The following ANK3 variants were observed in gnomAD, a reference collection of about 807,000 sequenced individuals.
ANK3 encodes the protein ankyrin 3, also known as ankyrin-3.
ANK3 carries 57 observed loss-of-function variants against 370.9 expected under a neutral mutation model. The observed-to-expected ratio is 0.15, with a 90% CI of 0.12 to 0.19. The LOEUF (loss-of-function observed/expected upper bound fraction) is 0.19, where lower values mean the gene tolerates loss of function less well. Ranked by LOEUF, ANK3 falls within the 10% of genes least tolerant of loss-of-function variation. The probability of loss-of-function intolerance (pLI) is 1.00; values close to 1 mark genes in which losing one functional copy is unlikely to be tolerated. For missense variants in ANK3, 4,439 were observed against 5,302.1 expected (o/e 0.84, Z 5.06); for synonymous variants, 1,929 against 1,946.3 (o/e 0.99, Z 0.23).
At chr10:60,114,474 A>C (rs2132113659) in intron 25 of ANK3, 143 bp from the exon 26 acceptor site, 1 of 429,328 alleles carries the variant, frequency 2.3e-6, no homozygotes, top group East Asian at 3.7e-5. Flanking sequence ...TCCTCTATAG[A>C]AATACATTGA....
At chr10:60,223,699 T>G (rs2097097135) in intron 8 of ANK3, among the ~76,000 whole-genome samples, 1 of 152,218 alleles carries the variant, frequency 6.6e-6, no homozygotes, top group African/African-American at 2.4e-5. Flanking sequence ...TCTACTTCAG[T>G]AGCACTATTA....
At position 60,253,123 on chromosome 10, in the gene ANK3, G is replaced by A. The variant is rs149014881; in HGVS notation, c.798+8736C>T. Reference sequence around the variant, plus strand: ...TGGGACTCCAGCATTCTGACAGTGCGGTTTACTTTGCCACTGTCCCATATG... The same window carrying A: ...TGGGACTCCAGCATTCTGACAGTGCAGTTTACTTTGCCACTGTCCCATATG... On this transcript the variant is annotated intron_variant, in intron 7 of 43. Transcript: ENST00000280772. Among the ~76,000 whole-genome samples, 353 of 152,300 alleles carry A rather than the reference G, an allele frequency of 2.3e-3. 4 individuals are homozygous for A. The highest frequency in any genetic ancestry group is 0.017 in the East Asian group (87 of 5,180).
At chr10:60,574,662 A>T (rs754822345) in intron 2 of ANK3, among the ~76,000 whole-genome samples, 6 of 152,204 alleles carry the variant, frequency 3.9e-5, no homozygotes, top group Non-Finnish European at 5.9e-5. Context: ...TCTACCGCTC[A>T]TTGACTTCAA....
At chr10:60,351,280 C>T (rs1013191410) in intron 1 of ANK3, among the ~76,000 whole-genome samples, 4 of 152,096 alleles carry the variant, frequency 2.6e-5, no homozygotes, top group African/African-American at 9.7e-5. Context: ...TCTTTGGGGG[C>T]AATCACTCAG....
At chr10:60,600,760 T>C (rs1338519311) in intron 2 of ANK3, among the ~76,000 whole-genome samples, 1 of 152,180 alleles carries the variant, frequency 6.6e-6, no homozygotes, top group Admixed American at 6.6e-5. Context: ...AGATATTAGA[T>C]ATTAATGATT....
intron 2 of ANK3, among the ~76,000 whole-genome samples, chr10:60,478,085 A>T (rs1471555161): frequency 2.0e-5 from 3 of 152,084 alleles, no homozygotes; most frequent in African/African-American, 7.2e-5. Context: ...AACGGGGAGA[A>T]TGAATTCATC....
intron 10 of ANK3, among the ~76,000 whole-genome samples, chr10:60,206,098 G>A (rs2096757974): frequency 6.6e-6 from 1 of 152,132 alleles, no homozygotes; most frequent in Non-Finnish European, 1.5e-5. Flanking sequence ...AACAGGAAGT[G>A]AATTTTTATT....
In ANK3 at chr10:60,494,395, A is replaced by C. The variant is rs1595142738; in HGVS notation, c.96+120791T>G. On this transcript the variant is annotated intron_variant, in intron 2 of 43. Transcript: ENST00000373827. ...ACCTATGAAGGCACTGCATGTGTGT[A>C]TGTGTGCTTATATAAAAACATTATT... is the stretch of plus-strand genomic sequence containing the variant. 2.0e-5 allele frequency among the ~76,000 whole-genome samples: 3 copies of C among 152,308 alleles called. No individual in the cohort carries two copies. The East Asian group carries it at 5.8e-4, about 29-fold the overall frequency.
chr10:60,436,164 A>C (rs2064153804), intron 2 of ANK3, among the ~76,000 whole-genome samples: 1 of 152,240 alleles, frequency 6.6e-6, no homozygotes, highest in African/African-American at 2.4e-5. Context: ...AGTCCTTTTA[A>C]CAGCTGAATA....
intron 1 of ANK3, among the ~76,000 whole-genome samples, chr10:60,345,934 C>CA (rs536713515): frequency 3.3e-5 from 5 of 151,750 alleles, no homozygotes; most frequent in Non-Finnish European, 7.4e-5. Flanking sequence ...AAAACTAGTT[C>CA]AAAAATAATT....
intron 5 of ANK3, among the ~76,000 whole-genome samples, chr10:60,268,129 T>C (rs985262795): frequency 5.3e-5 from 8 of 152,320 alleles, no homozygotes; most frequent in African/African-American, 1.7e-4. Context: ...TGTCTCTACC[T>C]CCTGAGGGGC....
chr10:60,288,658 G>A (rs567178125), intron 1 of ANK3, among the ~76,000 whole-genome samples: 4 of 152,276 alleles, frequency 2.6e-5, no homozygotes, highest in South Asian at 2.1e-4. Context: ...GGGAGTAGGC[G>A]AAAAGGACAG....
At chr10:60,536,628 C>T (rs1398614119) in intron 2 of ANK3, among the ~76,000 whole-genome samples, 3 of 151,914 alleles carry the variant, frequency 2.0e-5, no homozygotes, top group East Asian at 1.9e-4. Flanking sequence ...TCTTCTCATA[C>T]GACTTCAAGA....
chr10:60,120,588 G>T (rs912744415), intron 25 of ANK3, among the ~76,000 whole-genome samples: 1 of 151,494 alleles, frequency 6.6e-6, no homozygotes, highest in Non-Finnish European at 1.5e-5. Context: ...TTAATAACCG[G>T]AATATATAAT....
Position 60,261,816 on chromosome 10 carries a change from G to C in ANK3, c.798+43C>G, listed in dbSNP as rs373999485. 2.6e-6 allele frequency: 4 copies of C among 1,549,926 alleles called. No homozygotes were observed. In the South Asian group the frequency reaches 4.5e-5, roughly 17 times the overall value. ...TGTTGGGGAAAGAGAGTATAAAATAGTTGCAAATGCTTTAAAGGTATTACA... is the reference window on the plus strand; with the variant it reads ...TGTTGGGGAAAGAGAGTATAAAATACTTGCAAATGCTTTAAAGGTATTACA... On this transcript the variant is annotated intron_variant, in intron 7 of 43. Transcript: ENST00000280772.
intron 1 of ANK3, among the ~76,000 whole-genome samples, chr10:60,292,853 A>T (rs1356285913): frequency 6.6e-6 from 1 of 151,918 alleles, no homozygotes; most frequent in African/African-American, 2.4e-5. Context: ...AATTACAGGC[A>T]CCCACAACCA....
intron 4 of ANK3, among the ~76,000 whole-genome samples, chr10:60,277,718 G>A (rs970920751): frequency 6.6e-6 from 1 of 152,172 alleles, no homozygotes; most frequent in Non-Finnish European, 1.5e-5. Context: ...TGTGCACCCA[G>A]AAGTTCTCCA....
At chr10:60,462,306 C>A (rs2064905336) in intron 2 of ANK3, among the ~76,000 whole-genome samples, 1 of 152,116 alleles carries the variant, frequency 6.6e-6, no homozygotes. Flanking sequence ...TATTCTGATT[C>A]TCTACAGACA....
chr10:60,276,093 C>T (rs184957543), intron 4 of ANK3, among the ~76,000 whole-genome samples: 97 of 152,192 alleles, frequency 6.4e-4, no homozygotes, highest in African/African-American at 2.3e-3. Context: ...AAGGCAATGA[C>T]AAAAATTACT....
Sources: allele counts gnomAD v4.1 joint callset (sites outside exome capture counted in the v4.1 genomes callset), GRCh38; gene constraint gnomAD v4.1.1; transcripts MANE v1.5; gene names NCBI Gene and HGNC (gene_info 2026-07-23, HGNC 2026-07-21).